Variants in DPP10 observed in about 807,000 individuals in gnomAD.
DPP10 encodes the protein inactive dipeptidyl peptidase 10.
In DPP10, 33 loss-of-function variants were observed where a neutral mutation model predicts 120.9. That is an observed-to-expected ratio of 0.27 (90% CI 0.21 to 0.37). DPP10 has a LOEUF of 0.37. DPP10 is among the 10% of genes least tolerant of loss of function. The pLI is 1.00. For synonymous variants in DPP10, 337 were observed against 326.1 expected (o/e 1.03, Z -0.36); for missense variants, 816 against 942.8 (o/e 0.87, Z 1.76).
rs1695507687 is a variant in DPP10 at position 114,639,021 on chromosome 2, T to C, written c.60+196183T>C. Among the ~76,000 whole-genome samples, 3 of 151,882 alleles carry C rather than the reference T, an allele frequency of 2.0e-5. No individual in the cohort carries two copies. In the South Asian group the frequency reaches 6.2e-4, roughly 32 times the overall value. Reference sequence around the variant, plus strand: ...TGCTGGAGACCCTAATCCTAAACAATTTAGTGTAGGAACACAAAACCAAAT... The same window carrying C: ...TGCTGGAGACCCTAATCCTAAACAACTTAGTGTAGGAACACAAAACCAAAT... On this transcript the variant is annotated intron_variant, in intron 1 of 25. Coordinates refer to ENST00000410059, the MANE Select transcript of DPP10 (RefSeq NM_020868.6).
intron 1 of DPP10, among the ~76,000 whole-genome samples, chr2:114,780,612 C>A (rs895143846): frequency 5.3e-5 from 8 of 152,010 alleles, no homozygotes; most frequent in Admixed American, 4.6e-4. Context: ...TAAATTACAA[C>A]TGCATTTATG....
intron 1 of DPP10, among the ~76,000 whole-genome samples, chr2:115,016,131 G>A (rs1395275057): frequency 6.6e-6 from 1 of 152,160 alleles, no homozygotes; most frequent in Non-Finnish European, 1.5e-5. Flanking sequence ...AAAACAGCAT[G>A]GGATTGGTAC....
At chr2:115,370,155 G>A (rs1302392328) in intron 3 of DPP10, among the ~76,000 whole-genome samples, 1 of 152,088 alleles carries the variant, frequency 6.6e-6, no homozygotes, top group Admixed American at 6.6e-5. Flanking sequence ...ATGTTTAACT[G>A]AAATCTCCTA....
chr2:115,843,949 G>A lies in DPP10; in HGVS notation c.*1604G>A, dbSNP rs761871757. 7.9e-5 allele frequency: 12 copies of A among 152,506 alleles called. No homozygotes were observed. The highest frequency in any genetic ancestry group is 1.6e-4 in the Non-Finnish European group (11 of 67,990). The allele number at this position is 152,506 out of a possible 1,614,324, so 9.4% of individuals were successfully genotyped here. On this transcript the variant is annotated 3_prime_UTR_variant, in exon 26 of 26. Transcript: ENST00000410059. ...AATCACTCAGTCACCCTCCTGTTTT[G>A]TTGAAGGATCAACCCCAAATTCTGG...
intron 7 of DPP10, among the ~76,000 whole-genome samples, chr2:115,713,711 C>A (rs2092402314): frequency 6.6e-6 from 1 of 152,182 alleles, no homozygotes; most frequent in African/African-American, 2.4e-5. Context: ...AACTTAGAAT[C>A]TGGGTGTACT....
chr2:115,171,246 A>G (rs1298727796), intron 1 of DPP10, among the ~76,000 whole-genome samples: 1 of 151,800 alleles, frequency 6.6e-6, no homozygotes, highest in Non-Finnish European at 1.5e-5. Context: ...CTATAATCCT[A>G]GCGACTCAGG....
intron 4 of DPP10, among the ~76,000 whole-genome samples, chr2:115,509,044 G>C (rs572220752): frequency 6.6e-5 from 10 of 152,272 alleles, no homozygotes; most frequent in Admixed American, 5.9e-4. Flanking sequence ...GCACAAGGAA[G>C]GGGGAAACAG....
At chr2:115,161,789 C>T (rs2052386915) in intron 1 of DPP10, 3 of 625,646 alleles carry the variant, frequency 4.8e-6, no homozygotes, top group Non-Finnish European at 7.2e-6. Context: ...ACGGGGAGCC[C>T]GCCCGGTGCC....
At chr2:115,016,116 T>C (rs1292894606) in intron 1 of DPP10, among the ~76,000 whole-genome samples, 1 of 152,132 alleles carries the variant, frequency 6.6e-6, no homozygotes, top group Non-Finnish European at 1.5e-5. Context: ...AAGGCTAAAG[T>C]AACCAAAACA....
intron 5 of DPP10, among the ~76,000 whole-genome samples, chr2:115,580,664 A>G (rs955460688): frequency 1.3e-5 from 2 of 152,208 alleles, no homozygotes; most frequent in Non-Finnish European, 2.9e-5. Flanking sequence ...TGATATTAAT[A>G]AATGAATTCT....
At chr2:115,010,862 A>C (rs1009315739) in intron 1 of DPP10, among the ~76,000 whole-genome samples, 1 of 152,188 alleles carries the variant, frequency 6.6e-6, no homozygotes, top group African/African-American at 2.4e-5. Context: ...CAGACAGAGG[A>C]TGCAACACCT....
intron 1 of DPP10, chr2:114,835,120 GTATA>G (rs1042447616): frequency 1.6e-4 from 24 of 149,166 alleles, no homozygotes; most frequent in African/African-American, 5.3e-4. Context: ...ACACACCTAT[GTATA>G]TATAAGACAT....
chr2:115,510,371 A>G (rs1316240397), intron 4 of DPP10, among the ~76,000 whole-genome samples: 6 of 152,154 alleles, frequency 3.9e-5, no homozygotes, highest in Non-Finnish European at 8.8e-5. Context: ...ATTCTTTTGC[A>G]TGTGGAAATA....
chr2:115,833,332 G>T (rs189363709), intron 21 of DPP10, among the ~76,000 whole-genome samples: 2 of 152,218 alleles, frequency 1.3e-5, no homozygotes, highest in African/African-American at 4.8e-5. Context: ...CAGAAAAGTT[G>T]CATGCATCAG....
chr2:114,821,671 A>G (rs905874437), intron 1 of DPP10, among the ~76,000 whole-genome samples: 4 of 152,286 alleles, frequency 2.6e-5, no homozygotes, highest in Admixed American at 6.5e-5. Flanking sequence ...CCTAGATACA[A>G]TGGGGTACAG....
chr2:115,117,861 A>G (rs1263771074), intron 1 of DPP10, among the ~76,000 whole-genome samples: 2 of 152,176 alleles, frequency 1.3e-5, no homozygotes, highest in Non-Finnish European at 2.9e-5. Flanking sequence ...GTCCTCTTCT[A>G]TGTGTATTGA....
intron 3 of DPP10, among the ~76,000 whole-genome samples, chr2:115,455,769 GA>G (rs1379357085): frequency 1.3e-5 from 2 of 152,100 alleles, no homozygotes; most frequent in Non-Finnish European, 2.9e-5. Context: ...GCCATATGTA[GA>G]AAGCTGAAAG....
intron 1 of DPP10, among the ~76,000 whole-genome samples, chr2:115,281,905 G>A (rs890423859): frequency 8.6e-5 from 13 of 152,042 alleles, no homozygotes; most frequent in African/African-American, 3.1e-4. Flanking sequence ...TTTTAAAATA[G>A]TGACCCAAGA....
intron 1 of DPP10, among the ~76,000 whole-genome samples, chr2:114,728,421 G>A (rs1676559200): frequency 6.6e-6 from 1 of 152,110 alleles, no homozygotes; most frequent in Non-Finnish European, 1.5e-5. Flanking sequence ...ACATTATTCT[G>A]AGCCTCGGGT....
Sources: allele counts gnomAD v4.1 joint callset (sites outside exome capture counted in the v4.1 genomes callset), GRCh38; gene constraint gnomAD v4.1.1; transcripts MANE v1.5; gene names NCBI Gene and HGNC (gene_info 2026-07-23, HGNC 2026-07-21).